The following CA5A variants were observed in gnomAD, a reference collection of about 807,000 sequenced individuals.
CA5A encodes carbonic anhydrase 5A.
CA5A carries 28 observed loss-of-function variants against 37.1 expected under a neutral mutation model. That is an observed-to-expected ratio of 0.75 (90% CI 0.56 to 1.03). The LOEUF (loss-of-function observed/expected upper bound fraction) is 1.03. CA5A is among the 50% of genes least tolerant of loss of function. CA5A has a pLI of 0.00. For missense variants in CA5A, 444 were observed against 399.9 expected (o/e 1.11, Z -0.94); for synonymous variants, 171 against 158.4 (o/e 1.08, Z -0.60).
At chr16:87,894,492 G>A (rs1434036932) in intron 5 of CA5A, among the ~76,000 whole-genome samples, 1 of 151,948 alleles carries the variant, frequency 6.6e-6, no homozygotes, top group African/African-American at 2.4e-5. Flanking sequence ...CTACCAGAAG[G>A]AAGCCCGGGA....
At chr16:87,904,580 TGA>T (rs1251130853) in intron 3 of CA5A, among the ~76,000 whole-genome samples, 1 of 152,098 alleles carries the variant, frequency 6.6e-6, no homozygotes, top group African/African-American at 2.4e-5. Context: ...TTCCGTTAAA[TGA>T]GAGAGAACTT....
At chr16:87,893,109 C>A in intron 5 of CA5A, 1 of 621,722 alleles carries the variant, frequency 1.6e-6, no homozygotes. Flanking sequence ...TGCCTAGAGA[C>A]ATTTCTTTCT....
downstream of CA5A, chr16:87,886,336 A>G (rs566735018): frequency 2.0e-5 from 3 of 152,118 alleles, no homozygotes; most frequent in Admixed American, 1.3e-4. Flanking sequence ...TTTAGTAGAG[A>G]TGGGGTTTCT....
chr16:87,916,163 G>C (rs529227357), intron 2 of CA5A, among the ~76,000 whole-genome samples: 2 of 123,652 alleles, frequency 1.6e-5, no homozygotes, highest in African/African-American at 3.9e-5. Flanking sequence ...GCAAGACTCC[G>C]TCTCAAAAAA....
intron 5 of CA5A, among the ~76,000 whole-genome samples, chr16:87,894,864 G>C (rs544524703): frequency 6.6e-6 from 1 of 151,886 alleles, no homozygotes; most frequent in African/African-American, 2.4e-5. Flanking sequence ...GGGCAACAGA[G>C]AGAGAGACTC....
intron 5 of CA5A, among the ~76,000 whole-genome samples, chr16:87,899,878 C>A (rs1361581940): frequency 2.3e-5 from 3 of 131,914 alleles, no homozygotes; most frequent in East Asian, 4.7e-4. Context: ...CGAGGTCGCA[C>A]CATTGCACTC....
intron 2 of CA5A, chr16:87,924,032 G>T: frequency 1.0e-6 from 1 of 985,454 alleles, no homozygotes; most frequent in Non-Finnish European, 1.2e-6. Flanking sequence ...ACTTGGAACA[G>T]ACCAACAAGG....
In CA5A at chr16:87,891,781, G is replaced by C. The variant is rs759406429; in HGVS notation, c.774+18C>G. On this transcript the variant is annotated intron_variant, in intron 6 of 6. Coordinates refer to ENST00000649794, the MANE Select transcript of CA5A (RefSeq NM_001739.2). ...CCTTCCATGAAGCGCCATCGTGCCA[G>C]TTACGGGCACGGCTCACCTGGCTTG... 2 of 1,482,134 alleles carry C rather than the reference G, an allele frequency of 1.3e-6. No individual in the cohort carries two copies. Among genetic ancestry groups the C allele is most frequent in the Non-Finnish European group, 1.8e-6 (2 of 1,119,328 alleles). 91.8% of individuals were successfully genotyped at this position (1,482,134 alleles called of 1,614,324 possible).
chr16:87,888,103 C>T lies in CA5A; in HGVS notation c.*26G>A, dbSNP rs765442160. 12 of 1,564,446 alleles carry T rather than the reference C, an allele frequency of 7.7e-6. No individual in the cohort carries two copies. The highest frequency in any genetic ancestry group is 1.0e-5 in the Non-Finnish European group (12 of 1,151,316). On this transcript the variant is annotated 3_prime_UTR_variant, in exon 7 of 7. Transcript: ENST00000649794. Reference sequence around the variant, plus strand: ...ACGCTTCCTTCCTTCAAAGTCAGTTCTGCTATTCATGTGGACCTAATGTCT... The same window carrying T: ...ACGCTTCCTTCCTTCAAAGTCAGTTTTGCTATTCATGTGGACCTAATGTCT...
rs144342661 is a variant in CA5A, at chr16:87,933,776, T to C, written c.142+2533A>G. Reference sequence around the variant, plus strand: ...TTTTCAATAATTTTTAGTAACAATATTCTTTTTCCAAGTGAAATAATCTTC... The same window carrying C: ...TTTTCAATAATTTTTAGTAACAATACTCTTTTTCCAAGTGAAATAATCTTC... On this transcript the variant is annotated intron_variant, in intron 1 of 6. Transcript: ENST00000649794. Among the ~76,000 whole-genome samples the C allele has an allele frequency of 8.5e-5, 13 of 152,330 alleles. No homozygotes were observed. The East Asian group carries it at 9.7e-4, about 11-fold the overall frequency.
chr16:87,902,961 C>A (rs1184421810), intron 3 of CA5A, among the ~76,000 whole-genome samples: 2 of 151,644 alleles, frequency 1.3e-5, no homozygotes, highest in Non-Finnish European at 2.9e-5. Flanking sequence ...TGAGTAAGAT[C>A]CCAGCACCAG....
chr16:87,882,331 CTT>C (rs1462666985), intron 4 of CA5A: 5 of 152,252 alleles, frequency 3.3e-5, no homozygotes, highest in Admixed American at 6.5e-5. Flanking sequence ...GACTTTCTCT[CTT>C]TGCTGCGCTT....
At chr16:87,899,293 G>GTTTT (rs1312095111) in intron 5 of CA5A, among the ~76,000 whole-genome samples, 1 of 131,722 alleles carries the variant, frequency 7.6e-6, no homozygotes, top group African/African-American at 3.0e-5. Flanking sequence ...ACCTCCTAAG[G>GTTTT]TCTTTTTTTT....
chr16:87,929,312 C>T (rs112474913), intron 1 of CA5A, among the ~76,000 whole-genome samples: 1,686 of 151,164 alleles, frequency 0.011, 15 homozygotes, highest in Non-Finnish European at 0.016. Flanking sequence ...ATTAGCCAGG[C>T]GTGGTGGCTC....
chr16:87,925,945 G>C (rs538252066), intron 2 of CA5A, among the ~76,000 whole-genome samples: 1 of 152,194 alleles, frequency 6.6e-6, no homozygotes, highest in East Asian at 1.9e-4. Context: ...AGCGAGGGCC[G>C]GGCGCGGTGG....
Position 87,896,815 on chromosome 16 carries a change from T to G in CA5A, c.619-4861A>C, listed in dbSNP as rs112479434. ...GCCATCACGCCTGGCTACTTTTCTG[T>G]TTTTAATAGAGATGGGGTTTCTCTA... On this transcript the variant is annotated intron_variant, in intron 5 of 6. Coordinates refer to ENST00000649794, the MANE Select transcript of CA5A (RefSeq NM_001739.2). 5.8e-4 allele frequency among the ~76,000 whole-genome samples: 89 copies of G among 152,270 alleles called. 1 individual carries two copies. Among genetic ancestry groups the G allele is most frequent in the African/African-American group, 2.1e-3 (86 of 41,552 alleles).
intron 1 of CA5A, among the ~76,000 whole-genome samples, chr16:87,932,334 C>G: frequency 6.6e-6 from 1 of 152,182 alleles, no homozygotes; most frequent in East Asian, 1.9e-4. Context: ...ACGCAGGCTT[C>G]CCTGGCTCAC....
At chr16:87,896,176 G>A (rs1404436600) in intron 5 of CA5A, among the ~76,000 whole-genome samples, 1 of 152,210 alleles carries the variant, frequency 6.6e-6, no homozygotes, top group Non-Finnish European at 1.5e-5. Context: ...CCAAAGCCAC[G>A]TTGCCAGTCA....
chr16:87,912,607 G>A (rs1192581945), intron 2 of CA5A, among the ~76,000 whole-genome samples: 3 of 152,282 alleles, frequency 2.0e-5, no homozygotes, highest in African/African-American at 7.2e-5. Context: ...TCTGGGCTCA[G>A]ACTTGCCCTC....
Sources: allele counts gnomAD v4.1 joint callset (sites outside exome capture counted in the v4.1 genomes callset), GRCh38; gene constraint gnomAD v4.1.1; transcripts MANE v1.5; gene names NCBI Gene and HGNC (gene_info 2026-07-23, HGNC 2026-07-21).